The following PDGFC variants were observed in gnomAD, a reference collection of about 807,000 sequenced individuals.
The protein encoded by PDGFC is platelet-derived growth factor C.
PDGFC carries 12 observed loss-of-function variants against 35.5 expected under a neutral mutation model. The ratio of observed to expected loss-of-function variants is 0.34; its 90% CI spans 0.22 to 0.55. The LOEUF (loss-of-function observed/expected upper bound fraction) is 0.55, where lower values mean the gene tolerates loss of function less well. PDGFC is among the 20% of genes least tolerant of loss of function. The pLI is 0.91. For missense variants in PDGFC, 322 were observed against 412.4 expected, an observed-to-expected ratio of 0.78 and a Z score of 1.90; for synonymous variants, 159 against 148.8, an observed-to-expected ratio of 1.07 and a Z score of -0.50.
chr4:156,839,529 C>T (rs145838516), intron 2 of PDGFC, among the ~76,000 whole-genome samples: 180 of 152,292 alleles, frequency 1.2e-3, no homozygotes, highest in Non-Finnish European at 2.4e-3. Context: ...TTCTTTACAG[C>T]CGCGTGAGAA....
At chr4:156,855,510 T>A (rs1729552967) in intron 1 of PDGFC, among the ~76,000 whole-genome samples, 1 of 152,194 alleles carries the variant, frequency 6.6e-6, no homozygotes, top group Non-Finnish European at 1.5e-5. Context: ...TGTAGCAACA[T>A]GTCACCAGTA....
intron 1 of PDGFC, among the ~76,000 whole-genome samples, chr4:156,891,564 A>C (rs1730511238): frequency 6.6e-6 from 1 of 152,204 alleles, no homozygotes; most frequent in African/African-American, 2.4e-5. Context: ...GAGGTTTGGC[A>C]TCGCTGAGGA....
At chr4:156,827,722 C>G (rs12643579) in intron 2 of PDGFC, among the ~76,000 whole-genome samples, 1 of 151,854 alleles carries the variant, frequency 6.6e-6, no homozygotes, top group African/African-American at 2.4e-5. Flanking sequence ...TACCCACATA[C>G]GTACATACAT....
intron 2 of PDGFC, among the ~76,000 whole-genome samples, chr4:156,839,037 G>C (rs1041234308): frequency 3.3e-5 from 5 of 152,210 alleles, no homozygotes; most frequent in Non-Finnish European, 7.3e-5. Flanking sequence ...GGATGTGGGG[G>C]TTGAAAGGAA....
At chr4:156,905,552 G>C (rs1227539367) in intron 1 of PDGFC, among the ~76,000 whole-genome samples, 1 of 152,100 alleles carries the variant, frequency 6.6e-6, no homozygotes, top group Non-Finnish European at 1.5e-5. Flanking sequence ...ACCCAAGCCT[G>C]TGATTTCAAA....
At chr4:156,870,539 G>A (rs562008392) in intron 1 of PDGFC, among the ~76,000 whole-genome samples, 3 of 152,084 alleles carry the variant, frequency 2.0e-5, no homozygotes, top group Non-Finnish European at 2.9e-5. Context: ...TATAATTCCT[G>A]AACAAAGTAT....
At chr4:156,799,840 G>A (rs10014011) in intron 3 of PDGFC, among the ~76,000 whole-genome samples, 46,898 of 151,868 alleles carry the variant, frequency 0.31, 8,066 homozygotes, top group South Asian at 0.55. Flanking sequence ...ATAGATTACC[G>A]TGTGGAGACA....
intron 3 of PDGFC, among the ~76,000 whole-genome samples, chr4:156,775,934 A>G (rs13108763): frequency 0.46 from 69,924 of 151,972 alleles, 19,246 homozygotes; most frequent in African/African-American, 0.77. Context: ...ATAAGTTCCC[A>G]GGATTCAAAG....
At chr4:156,961,232 G>GA (rs1293040799) in intron 1 of PDGFC, among the ~76,000 whole-genome samples, 2 of 151,854 alleles carry the variant, frequency 1.3e-5, no homozygotes, top group African/African-American at 4.8e-5. Flanking sequence ...TTCCCCAGCA[G>GA]AAAAAAAGAT....
intron 2 of PDGFC, among the ~76,000 whole-genome samples, chr4:156,825,595 A>ATAG (rs1732438965): frequency 2.6e-5 from 2 of 76,426 alleles, no homozygotes; most frequent in Non-Finnish European, 5.4e-5. Flanking sequence ...AATAATAATA[A>ATAG]GAAGAAGAAG....
chr4:156,926,175 C>A (rs1731408599), intron 1 of PDGFC, among the ~76,000 whole-genome samples: 1 of 150,396 alleles, frequency 6.6e-6, no homozygotes, highest in African/African-American at 2.4e-5. Context: ...TTCTTTTGTT[C>A]ATTCAATGAA....
At chr4:156,969,493 G>A (rs997894574) in intron 1 of PDGFC, among the ~76,000 whole-genome samples, 44 of 152,188 alleles carry the variant, frequency 2.9e-4, no homozygotes, top group African/African-American at 9.7e-4. Context: ...TACAAATAAC[G>A]TTTGCAAAAG....
At chr4:156,804,400 T>A (rs1731700280) in intron 3 of PDGFC, among the ~76,000 whole-genome samples, 1 of 152,016 alleles carries the variant, frequency 6.6e-6, no homozygotes, top group Non-Finnish European at 1.5e-5. Context: ...ATTTTTAATA[T>A]GCTCTTGAGA....
In PDGFC at chr4:156,808,036, T is replaced by C. The variant is rs368764116; in HGVS notation, c.495+2801A>G. ...GGCAATTATTTAGCTAATGCAAGAA[T>C]GTGTCTTTGGTAATATAGCGTAATA... On this transcript the variant is annotated intron_variant, in intron 3 of 5. Transcript: ENST00000502773. 5.0e-4 allele frequency among the ~76,000 whole-genome samples: 76 copies of C among 152,188 alleles called. 2 individuals are homozygous for C. The South Asian group carries it at 0.016, about 31-fold the overall frequency.
chr4:156,820,359 C>A (rs894705416), intron 2 of PDGFC, among the ~76,000 whole-genome samples: 7 of 152,288 alleles, frequency 4.6e-5, no homozygotes, highest in East Asian at 1.9e-4. Flanking sequence ...TGTCAAAGTT[C>A]ATTGTTGTCT....
intron 5 of PDGFC, 92 bp downstream of exon 5, chr4:156,767,680 CT>C (rs1730577269): frequency 2.5e-6 from 2 of 789,640 alleles, no homozygotes; most frequent in Non-Finnish European, 2.1e-6. Flanking sequence ...AATACTACGT[CT>C]TTTTTCCAAA....
At chr4:156,862,987 C>A (rs962078218) in intron 1 of PDGFC, among the ~76,000 whole-genome samples, 1 of 152,118 alleles carries the variant, frequency 6.6e-6, no homozygotes, top group Non-Finnish European at 1.5e-5. Context: ...GCCACCACAA[C>A]CGGCCTATGT....
chr4:156,910,895 T>A (rs139289521), intron 1 of PDGFC, among the ~76,000 whole-genome samples: 1 of 152,194 alleles, frequency 6.6e-6, no homozygotes, highest in African/African-American at 2.4e-5. Flanking sequence ...AGGATGTTCA[T>A]GTTTTTACAG....
intron 1 of PDGFC, among the ~76,000 whole-genome samples, chr4:156,879,123 C>T (rs1445969089): frequency 2.0e-5 from 3 of 152,232 alleles, no homozygotes; most frequent in Middle Eastern, 3.4e-3. Context: ...AAATGAGCTG[C>T]TTCTTTTCTC....
Sources: gnomAD v4.1 joint callset for allele counts (sites outside exome capture counted in the v4.1 genomes callset) on GRCh38, gnomAD v4.1.1 for gene constraint, MANE v1.5 for transcripts, NCBI Gene and HGNC (gene_info 2026-07-23, HGNC 2026-07-21) for gene names.